The following LHFPL6 variants were observed in gnomAD, a reference collection of about 807,000 sequenced individuals.
LHFPL6 encodes LHFPL tetraspan subfamily member 6.
LHFPL6 carries 9 observed loss-of-function variants against 20.6 expected under a neutral mutation model. That is an observed-to-expected ratio of 0.44 (90% CI 0.26 to 0.76). LHFPL6 has a LOEUF of 0.76. LHFPL6 is among the 30% of genes least tolerant of loss of function. The pLI is 0.20. For missense variants in LHFPL6, 218 were observed against 253.5 expected (o/e 0.86, Z 0.95); for synonymous variants, 105 against 98.7 (o/e 1.06, Z -0.38).
intron 2 of LHFPL6, among the ~76,000 whole-genome samples, chr13:39,578,827 G>A (rs1872194913): frequency 6.6e-6 from 1 of 152,178 alleles, no homozygotes; most frequent in African/African-American, 2.4e-5. Context: ...GCTCAGGAAA[G>A]AGAAGATTCC....
chr13:39,347,543 C>A lies in LHFPL6; in HGVS notation c.485-3489G>T, dbSNP rs141034669. On this transcript the variant is annotated intron_variant, in intron 3 of 3. Coordinates refer to ENST00000379589, the MANE Select transcript of LHFPL6 (RefSeq NM_005780.3). ...CATCTAGAGAGTGTGCTAAATTTAA[C>A]GGGGTAACAGATTCTGAAAGATCAC... Among the ~76,000 whole-genome samples, 1,107 of 152,204 alleles carry A rather than the reference C, an allele frequency of 7.3e-3. 9 individuals are homozygous for A. The highest frequency in any genetic ancestry group is 0.012 in the Non-Finnish European group (821 of 68,014).
chr13:39,425,451 A>C (rs1871613191), intron 2 of LHFPL6, among the ~76,000 whole-genome samples: 1 of 152,202 alleles, frequency 6.6e-6, no homozygotes, highest in South Asian at 2.1e-4. Context: ...GGAATGGTTG[A>C]GCCATACAGT....
intron 2 of LHFPL6, among the ~76,000 whole-genome samples, chr13:39,405,139 CAT>C (rs1871088047): frequency 1.3e-5 from 2 of 152,166 alleles, no homozygotes; most frequent in African/African-American, 4.8e-5. Context: ...GAGTAATACA[CAT>C]ATGTGGACAT....
At chr13:39,489,624 G>A (rs570976186) in intron 2 of LHFPL6, among the ~76,000 whole-genome samples, 4 of 151,488 alleles carry the variant, frequency 2.6e-5, no homozygotes, top group African/African-American at 7.3e-5. Context: ...GCATGATCTC[G>A]GCTCACTGCA....
At chr13:39,443,949 T>C (rs1284872049) in intron 2 of LHFPL6, among the ~76,000 whole-genome samples, 3 of 151,890 alleles carry the variant, frequency 2.0e-5, no homozygotes, top group Non-Finnish European at 2.9e-5. Context: ...TGATGTTCAG[T>C]AGGTTTGATG....
chr13:39,494,157 T>C (rs1406199641), intron 2 of LHFPL6, among the ~76,000 whole-genome samples: 2 of 152,220 alleles, frequency 1.3e-5, no homozygotes, highest in African/African-American at 2.4e-5. Context: ...TTTATAGTCA[T>C]GACCATTGTG....
At chr13:39,351,369 C>A (rs559835400) in intron 3 of LHFPL6, among the ~76,000 whole-genome samples, 2 of 151,676 alleles carry the variant, frequency 1.3e-5, no homozygotes, top group South Asian at 4.1e-4. Flanking sequence ...AAGTAACTTA[C>A]CCATTATCTC....
intron 1 of LHFPL6, 22 bp from the exon 2 acceptor site, chr13:39,601,412 T>C (rs779449866): frequency 3.3e-5 from 16 of 489,074 alleles, no homozygotes; most frequent in Non-Finnish European, 5.0e-5. Flanking sequence ...ACAGGAAACA[T>C]TAAAAATTAA....
At chr13:39,592,818 A>T (rs1003068740) in intron 2 of LHFPL6, among the ~76,000 whole-genome samples, 6 of 152,254 alleles carry the variant, frequency 3.9e-5, no homozygotes, top group African/African-American at 1.4e-4. Context: ...CTGGTTCAAC[A>T]TATGCAAATC....
chr13:39,361,794 T>G (rs1869876963), intron 3 of LHFPL6, among the ~76,000 whole-genome samples: 1 of 152,212 alleles, frequency 6.6e-6, no homozygotes, highest in Non-Finnish European at 1.5e-5. Context: ...GATTAGATAA[T>G]AGCATTTTAT....
intron 2 of LHFPL6, among the ~76,000 whole-genome samples, chr13:39,431,714 T>TTG (rs1306202625): frequency 2.1e-4 from 18 of 84,426 alleles, no homozygotes; most frequent in Non-Finnish European, 3.8e-4. Flanking sequence ...CCTGTAGAAT[T>TTG]TGTGGGGGGG....
chr13:39,400,234 C>T (rs1481371815), intron 2 of LHFPL6, among the ~76,000 whole-genome samples: 1 of 152,174 alleles, frequency 6.6e-6, no homozygotes, highest in African/African-American at 2.4e-5. Flanking sequence ...ACCTTCACTG[C>T]AAATTGGTAT....
intron 3 of LHFPL6, among the ~76,000 whole-genome samples, chr13:39,346,074 T>G (rs1463851515): frequency 6.6e-6 from 1 of 152,192 alleles, no homozygotes; most frequent in African/African-American, 2.4e-5. Flanking sequence ...TGCTGAAAAT[T>G]TCCAAGACTG....
At chr13:39,470,765 T>A (rs1421034713) in intron 2 of LHFPL6, among the ~76,000 whole-genome samples, 1 of 152,144 alleles carries the variant, frequency 6.6e-6, no homozygotes, top group Non-Finnish European at 1.5e-5. Flanking sequence ...AGAATTTGAG[T>A]GAAAAAAACC....
chr13:39,503,572 G>A (rs1869369243), intron 2 of LHFPL6, among the ~76,000 whole-genome samples: 1 of 152,114 alleles, frequency 6.6e-6, no homozygotes, highest in Non-Finnish European at 1.5e-5. Context: ...AAAGCTCCAT[G>A]AGGCCAAGGA....
intron 2 of LHFPL6, among the ~76,000 whole-genome samples, chr13:39,562,673 CATATAT>C (rs35061491): frequency 7.0e-6 from 1 of 142,450 alleles, no homozygotes; most frequent in Non-Finnish European, 1.5e-5. Context: ...TATATACACA[CATATAT>C]ACACACACAC....
chr13:39,601,703 A>G (rs1347317119), intron 1 of LHFPL6, among the ~76,000 whole-genome samples: 1 of 152,246 alleles, frequency 6.6e-6, no homozygotes, highest in African/African-American at 2.4e-5. Context: ...ATTAAAAGTA[A>G]TGTAGCACTT....
intron 3 of LHFPL6, among the ~76,000 whole-genome samples, chr13:39,351,869 A>C (rs1869577312): frequency 6.6e-6 from 1 of 152,192 alleles, no homozygotes; most frequent in African/African-American, 2.4e-5. Flanking sequence ...TTTGTATGTT[A>C]CGTTCCTTTT....
chr13:39,378,103 A>C (rs558336086), intron 3 of LHFPL6, among the ~76,000 whole-genome samples: 6 of 152,312 alleles, frequency 3.9e-5, no homozygotes, highest in Admixed American at 3.9e-4. Context: ...TCAGACTGCA[A>C]ATTCTACAGA....
Sources: allele counts gnomAD v4.1 joint callset (sites outside exome capture counted in the v4.1 genomes callset), GRCh38; gene constraint gnomAD v4.1.1; transcripts MANE v1.5; gene names NCBI Gene and HGNC (gene_info 2026-07-23, HGNC 2026-07-21).